SDK2: variants seen among roughly 807,000 people sequenced by gnomAD.
SDK2 encodes the protein sidekick cell adhesion molecule 2.
Under a neutral mutation model 253.9 loss-of-function variants are expected in SDK2, and 105 were observed. That is an observed-to-expected ratio of 0.41 (90% CI 0.35 to 0.49). SDK2 has a LOEUF of 0.49. Among genes scored for constraint, SDK2 ranks in the 20% least tolerant of loss-of-function variants. The pLI, the probability that SDK2 is intolerant of heterozygous loss-of-function variation, is 0.06. For missense variants in SDK2, 2,608 were observed against 3,003.0 expected, an observed-to-expected ratio of 0.87 and a Z score of 3.07; for synonymous variants, 1,249 against 1,234.9, an observed-to-expected ratio of 1.01 and a Z score of -0.24.
chr17:73,582,149 C>A (rs2045543026), intron 1 of SDK2, among the ~76,000 whole-genome samples: 1 of 152,226 alleles, frequency 6.6e-6, no homozygotes, highest in Non-Finnish European at 1.5e-5. Context: ...CAGGCCCGAG[C>A]ATTTGGGGGC....
Position 73,472,101 on chromosome 17 carries a change from A to G in SDK2, c.331+11T>C. The G allele has an allele frequency of 6.5e-7, 1 of 1,546,356 alleles. No individual in the cohort carries two copies. The highest frequency in any genetic ancestry group is 8.7e-7 in the Non-Finnish European group (1 of 1,142,876). On this transcript the variant is annotated intron_variant, in intron 3 of 44. Coordinates refer to ENST00000392650, the MANE Select transcript of SDK2 (RefSeq NM_001144952.2). The stretch of plus-strand genomic sequence containing the variant: ...TCGCCCCCCCTGCCCCTGGGTCCCC[A>G]TTGTACTCACAGGCCACCTGGACCT...
At chr17:73,528,490 C>T (rs75384735) in intron 1 of SDK2, among the ~76,000 whole-genome samples, 4,997 of 152,244 alleles carry the variant, frequency 0.033, 233 homozygotes, top group African/African-American at 0.099. Context: ...TGAGGATCTG[C>T]CCAAGGTCAC....
intron 32 of SDK2, among the ~76,000 whole-genome samples, 188 bp downstream of exon 32, chr17:73,385,659 G>A (rs750159146): frequency 3.9e-5 from 6 of 152,218 alleles, no homozygotes; most frequent in African/African-American, 1.4e-4. Flanking sequence ...GAGTGTGTAT[G>A]TGTGGGCACA....
At chr17:73,583,624 G>T (rs1022919024) in intron 1 of SDK2, among the ~76,000 whole-genome samples, 6 of 152,196 alleles carry the variant, frequency 3.9e-5, no homozygotes, top group Non-Finnish European at 8.8e-5. Context: ...GACAGTCCCC[G>T]GCCCTCACCC....
intron 1 of SDK2, among the ~76,000 whole-genome samples, chr17:73,527,220 C>G (rs1433508150): frequency 6.6e-6 from 1 of 152,194 alleles, no homozygotes; most frequent in Non-Finnish European, 1.5e-5. Flanking sequence ...TGGACTGTCA[C>G]TCTGCACAGG....
intron 1 of SDK2, among the ~76,000 whole-genome samples, chr17:73,613,650 C>T (rs1045731837): frequency 4.0e-5 from 6 of 148,826 alleles, no homozygotes; most frequent in Non-Finnish European, 9.0e-5. Flanking sequence ...TCTTGCTGGC[C>T]GGACCCCTTT....
At chr17:73,498,107 C>T (rs553289553) in intron 2 of SDK2, among the ~76,000 whole-genome samples, 4 of 152,190 alleles carry the variant, frequency 2.6e-5, no homozygotes, top group Admixed American at 6.5e-5. Flanking sequence ...TGCTTCTACA[C>T]ATGGGGGCCA....
At chr17:73,562,074 C>T (rs995854534) in intron 1 of SDK2, among the ~76,000 whole-genome samples, 2 of 151,968 alleles carry the variant, frequency 1.3e-5, no homozygotes, top group African/African-American at 4.8e-5. Flanking sequence ...TGCAGTGAGC[C>T]GAGATCTTGC....
chr17:73,338,595 A>G lies in SDK2; in HGVS notation c.6511T>C (p.Phe2171Leu), dbSNP rs1363645189. Residue 2171 changes from phenylalanine to leucine, a missense_variant, in exon 45 of 45, where the codon TTT (phenylalanine) becomes CTT (leucine). This residue lies in a region of SDK2 where 1,103 missense variants were observed against 1,143.9 expected (regional missense o/e 0.96). Coordinates refer to ENST00000392650, the MANE Select transcript of SDK2 (RefSeq NM_001144952.2). This position sits in a 1 kb window ranked among gnomAD's most constrained non-coding sequence, Gnocchi z 5.0. ...TTTTTCCTCTTCTGATGTCAAACAA[A>G]TGATGAAAATCCTGCTATGGGAGCC... ...SRAPIAGFSS[F>L]V The G allele has an allele frequency of 1.3e-6, 2 of 1,514,888 alleles. No individual in the cohort carries two copies. The highest frequency in any genetic ancestry group is 1.8e-6 in the Non-Finnish European group (2 of 1,136,288). 93.8% of individuals were successfully genotyped at this position (1,514,888 alleles called of 1,614,324 possible).
intron 18 of SDK2, among the ~76,000 whole-genome samples, chr17:73,412,047 T>TAG (rs1249569937): frequency 0.073 from 478 of 6,568 alleles, 6 homozygotes; most frequent in South Asian, 0.26. Flanking sequence ...TATATATATG[T>TAG]ATATACGTAT....
intron 18 of SDK2, among the ~76,000 whole-genome samples, chr17:73,410,317 TTG>T (rs1491023100): frequency 9.5e-6 from 1 of 104,958 alleles, no homozygotes; most frequent in Non-Finnish European, 2.1e-5. Context: ...TTGTTTTTGT[TTG>T]TTTGTTTGTT....
intron 3 of SDK2, among the ~76,000 whole-genome samples, chr17:73,470,357 A>G (rs1444301364): frequency 6.6e-6 from 1 of 152,162 alleles, no homozygotes; most frequent in African/African-American, 2.4e-5. Context: ...TCTTTCCCAG[A>G]CACATGTGAA....
chr17:73,437,992 A>G lies in SDK2; in HGVS notation c.888T>C (p.Val296=), dbSNP rs2145625232. The change falls in exon 7 of 45, where the codon GTT becomes GTC. Residue 296 remains valine, a synonymous_variant. Coordinates refer to ENST00000392650, the MANE Select transcript of SDK2 (RefSeq NM_001144952.2). ...GCACTGAGAGGTAGGCGCCCCGGAC[A>G]ACAGAGGGGACGCTGCTGCTGCGCA... is the stretch of plus-strand genomic sequence containing the variant. The part of the protein sequence containing the change: ...AVLRSSSVPS[V]VRGAYLSVLE... 1 of 1,551,230 alleles carries G rather than the reference A, an allele frequency of 6.4e-7. No homozygotes were observed. The highest frequency in any genetic ancestry group is 8.7e-7 in the Non-Finnish European group (1 of 1,146,844).
chr17:73,478,456 G>A (rs372435059), intron 2 of SDK2, among the ~76,000 whole-genome samples: 2 of 152,266 alleles, frequency 1.3e-5, no homozygotes, highest in African/African-American at 4.8e-5. Context: ...AGGAAGATAC[G>A]CCAAGAATCC....
rs574481969 is a variant in SDK2 at position 73,612,751 on chromosome 17, T to C, written c.64+31274A>G. On this transcript the variant is annotated intron_variant, in intron 1 of 44. Coordinates refer to ENST00000392650, the MANE Select transcript of SDK2 (RefSeq NM_001144952.2). The surrounding 1 kb of genome is among the most constrained non-coding windows in gnomAD (Gnocchi z 4.4). ...GACCAACATGGTGAAACCCCGTCTC[T>C]ACTAAAAATACAAAAATTAGCTGTA... is the stretch of plus-strand genomic sequence containing the variant. 6.6e-6 allele frequency among the ~76,000 whole-genome samples: 1 copy of C among 152,204 alleles called. No homozygotes were observed. Among genetic ancestry groups the C allele is most frequent in the Admixed American group, 6.5e-5 (1 of 15,300 alleles).
intron 1 of SDK2, among the ~76,000 whole-genome samples, chr17:73,579,015 C>T (rs1270158108): frequency 1.3e-5 from 2 of 152,090 alleles, no homozygotes; most frequent in Non-Finnish European, 2.9e-5. Context: ...CCTTGTCGGC[C>T]GGGTCAGGGA....
rs1015577686 is a variant in SDK2 at position 73,616,097 on chromosome 17, T to C, written c.64+27928A>G. Among the ~76,000 whole-genome samples, 6 of 152,238 alleles carry C rather than the reference T, an allele frequency of 3.9e-5. No individual in the cohort carries two copies. In the East Asian group the frequency reaches 9.7e-4, roughly 24 times the overall value. ...TTCCCTCTGCATCTGAGCTTGACAG[T>C]GTGCATGAAGTAGACATATGATCCA... On this transcript the variant is annotated intron_variant, in intron 1 of 44. Transcript: ENST00000392650. This position sits in a 1 kb window ranked among gnomAD's most constrained non-coding sequence, Gnocchi z 5.2.
intron 3 of SDK2, among the ~76,000 whole-genome samples, chr17:73,457,342 CCT>C (rs1215983574): frequency 7.6e-6 from 1 of 132,044 alleles, no homozygotes; most frequent in African/African-American, 2.8e-5. Flanking sequence ...CCTCTCCTCT[CCT>C]CTCTTTCTTT....
Position 73,435,741 on chromosome 17 carries a change from G to A in SDK2, c.1001-97C>T. ...GGAGGCCGGGCCCGGAAATCTGCGA[G>A]GGGGTCCCTGGTGAATCTTGGTGTC... On this transcript the variant is annotated intron_variant, in intron 8 of 44. Coordinates refer to ENST00000392650, the MANE Select transcript of SDK2 (RefSeq NM_001144952.2). This position sits in a 1 kb window ranked among gnomAD's most constrained non-coding sequence, Gnocchi z 5.7. 1 of 1,131,040 alleles carries A rather than the reference G, an allele frequency of 8.8e-7. No individual in the cohort carries two copies. The highest frequency in any genetic ancestry group is 2.5e-5 in the Admixed American group (1 of 39,916). 70.1% of individuals were successfully genotyped at this position (1,131,040 alleles called of 1,614,324 possible). A position where few individuals can be genotyped will look rare whatever the true frequency, so the allele number is the denominator to read the frequency against.
Sources: allele counts gnomAD v4.1 joint callset (sites outside exome capture counted in the v4.1 genomes callset), GRCh38; gene constraint gnomAD v4.1.1; regional missense constraint gnomAD v4.1.1; non-coding constraint Gnocchi (gnomAD v3.1); transcripts MANE v1.5; gene names NCBI Gene and HGNC (gene_info 2026-07-23, HGNC 2026-07-21).